INTS10: variants seen among roughly 807,000 people sequenced by gnomAD.
INTS10 encodes integrator complex subunit 10, also known as chromosome 8 open reading frame 35.
INTS10 carries 44 observed loss-of-function variants against 94.4 expected under a neutral mutation model. The observed-to-expected ratio is 0.47, with a 90% CI of 0.37 to 0.60. The LOEUF is 0.60. INTS10 is among the 20% of genes least tolerant of loss of function. The pLI is 0.00. For synonymous variants in INTS10, 341 were observed against 320.7 expected (o/e 1.06, Z -0.68); for missense variants, 797 against 868.7 (o/e 0.92, Z 1.04).
chr8:19,823,972 C>A lies in INTS10; in HGVS notation c.764C>A (p.Pro255His). ...LTEKSSQIVDPWERLFKILNV... is the reference protein window; with the variant it reads ...LTEKSSQIVDHWERLFKILNV... ...GAAAAATCATCCCAGATCGTGGACC[C>A]TTGGGAGAGGTTGTTTAAGATTTTG... Residue 255 changes from proline to histidine, a missense_variant, in exon 7 of 17, where the codon CCT becomes CAT. Physicochemically the swap from Pro to His is moderately conservative, Grantham distance 77. This residue lies in a region of INTS10 where 734 missense variants were observed against 787.8 expected (regional missense o/e 0.93). Coordinates refer to ENST00000397977, the MANE Select transcript of INTS10 (RefSeq NM_018142.4). 1 of 1,613,432 alleles carries A rather than the reference C, an allele frequency of 6.2e-7. No individual in the cohort carries two copies. The highest frequency in any genetic ancestry group is 8.5e-7 in the Non-Finnish European group (1 of 1,179,634).
At chr8:19,833,142 C>G (rs752964678) in intron 11 of INTS10, 27 bp from the exon 12 acceptor site, 1 of 1,497,686 alleles carries the variant, frequency 6.7e-7, no homozygotes, top group South Asian at 1.3e-5. Context: ...GATGCTTTTC[C>G]CCTCCTTGCT....
At chr8:19,848,486 A>G (rs894262942) in intron 16 of INTS10, among the ~76,000 whole-genome samples, 7 of 152,196 alleles carry the variant, frequency 4.6e-5, no homozygotes, top group Non-Finnish European at 8.8e-5. Context: ...AAAATGGAAA[A>G]CAATGTCCTA....
chr8:19,841,946 A>G (rs951695221), intron 13 of INTS10: 15 of 419,894 alleles, frequency 3.6e-5, no homozygotes, highest in Admixed American at 1.1e-4. Context: ...TTTTGGATCT[A>G]TCACATTATG....
chr8:19,831,919 T>C (rs1347989230), intron 10 of INTS10, 109 bp from the exon 11 acceptor site: 1 of 706,164 alleles, frequency 1.4e-6, no homozygotes, highest in Non-Finnish European at 2.6e-6. Flanking sequence ...TCAAAGTTAC[T>C]ATACATTTTT....
rs1446184544 is a variant in INTS10 at position 19,845,419 on chromosome 8, G to A, written c.1883-285G>A. 4 of 338,270 alleles carry A rather than the reference G, an allele frequency of 1.2e-5. No homozygotes were observed. The East Asian group carries it at 1.8e-4, about 15-fold the overall frequency. The allele number at this position is 338,270 out of a possible 1,614,324, so 21.0% of individuals were successfully genotyped here. A position where few individuals can be genotyped will look rare whatever the true frequency, so the allele number is the denominator to read the frequency against. On this transcript the variant is annotated intron_variant, in intron 15 of 16. Transcript: ENST00000397977. ...ATGTTGTCCTCATGCTCTTTAGCCT[G>A]GCACATCTCATGCCAAGAGTTATCT...
intron 9 of INTS10, among the ~76,000 whole-genome samples, chr8:19,827,992 C>G (rs946647700): frequency 6.6e-6 from 1 of 151,990 alleles, no homozygotes; most frequent in African/African-American, 2.4e-5. Context: ...AGGAGGATCA[C>G]CAGCCCAGGA....
chr8:19,817,769 T>C, intron 1 of INTS10, 103 bp downstream of exon 1: 1 of 1,423,140 alleles, frequency 7.0e-7, no homozygotes, highest in Non-Finnish European at 9.4e-7. Flanking sequence ...GGCTGCCGCC[T>C]CCTGCCCGGC....
Position 19,851,689 on chromosome 8 carries a change from G to T in INTS10, c.2017G>T (p.Glu673Ter). 1 of 1,614,190 alleles carries T rather than the reference G, an allele frequency of 6.2e-7. No individual in the cohort carries two copies. Residue 673 changes from glutamate (E) to a stop codon, truncating the protein, a stop_gained, in exon 17 of 17, where the codon GAG becomes TAG. Coordinates refer to ENST00000397977, the MANE Select transcript of INTS10 (RefSeq NM_018142.4). LOFTEE classifies it high-confidence loss of function. This position sits in a 1 kb window ranked among gnomAD's most constrained non-coding sequence, Gnocchi z 5.0. ...VTRGITKGVK[E>*]DFRLAMERQV... ...TCGAGGCATCACCAAAGGCGTGAAG[G>T]AGGACTTTCGCCTGGCCATGGAGCG...
rs971781616 is a variant in INTS10, at chr8:19,851,431, C to T, written c.1977-218C>T. ...TGAACAATTAAATGTTTGAAGTAAC[C>T]TTTTATAGAGTGAGAAAGATGTCTG... On this transcript the variant is annotated intron_variant, in intron 16 of 16. Coordinates refer to ENST00000397977, the MANE Select transcript of INTS10 (RefSeq NM_018142.4). This position sits in a 1 kb window ranked among gnomAD's most constrained non-coding sequence, Gnocchi z 5.0. Among the ~76,000 whole-genome samples the T allele has an allele frequency of 1.3e-5, 2 of 152,164 alleles. No homozygotes were observed. The highest frequency in any genetic ancestry group is 4.8e-5 in the African/African-American group (2 of 41,418).
intron 12 of INTS10, among the ~76,000 whole-genome samples, chr8:19,835,736 C>G (rs1012359567): frequency 6.6e-6 from 1 of 152,156 alleles, no homozygotes; most frequent in Non-Finnish European, 1.5e-5. Context: ...GCTTCACAAC[C>G]CTGTGGGCAT....
intron 8 of INTS10, among the ~76,000 whole-genome samples, chr8:19,825,441 G>T (rs1053905090): frequency 6.6e-6 from 1 of 151,454 alleles, no homozygotes; most frequent in African/African-American, 2.4e-5. Context: ...CAGGAGAATC[G>T]CCTGAACCCG....
chr8:19,832,106 A>T lies in INTS10; in HGVS notation c.1373A>T (p.Tyr458Phe). Residue 458 changes from tyrosine to phenylalanine, a missense_variant, in exon 11 of 17, where the codon TAT becomes TTT. Tyr to Phe is a conservative substitution (Grantham distance 22). This residue lies in a region of INTS10 where 734 missense variants were observed against 787.8 expected (regional missense o/e 0.93). Coordinates refer to ENST00000397977, the MANE Select transcript of INTS10 (RefSeq NM_018142.4). The part of the protein sequence containing the change: ...LRIFLTDMII[Y>F]QGQYKKAIAS... ...ATCTTCCTCACTGATATGATCATCT[A>T]TCAGGTAGAGTATTATACATATTTT... is the stretch of plus-strand genomic sequence containing the variant. The T allele has an allele frequency of 1.3e-6, 2 of 1,550,640 alleles. No individual in the cohort carries two copies. Among genetic ancestry groups the T allele is most frequent in the Non-Finnish European group, 1.8e-6 (2 of 1,122,040 alleles).
intron 7 of INTS10, chr8:19,824,513 A>C: frequency 3.6e-6 from 1 of 276,924 alleles, no homozygotes; most frequent in Non-Finnish European, 6.6e-6. Flanking sequence ...AAAAAAAAGA[A>C]AAACAGATTT....
chr8:19,842,512 T>C (rs2068209803), intron 13 of INTS10, among the ~76,000 whole-genome samples: 1 of 152,212 alleles, frequency 6.6e-6, no homozygotes, highest in Admixed American at 6.5e-5. Flanking sequence ...ATTAGAAATG[T>C]TTAAAATTAA....
At chr8:19,827,825 G>T (rs1224962026) in intron 9 of INTS10, among the ~76,000 whole-genome samples, 1 of 152,162 alleles carries the variant, frequency 6.6e-6, no homozygotes, top group East Asian at 1.9e-4. Flanking sequence ...CCAACCTGAT[G>T]CAGGTCCAGA....
intron 12 of INTS10, among the ~76,000 whole-genome samples, chr8:19,834,094 A>G (rs565723884): frequency 2.2e-4 from 33 of 151,972 alleles, no homozygotes; most frequent in Non-Finnish European, 3.8e-4. Flanking sequence ...AGCCCTTCCT[A>G]CTACAGGGTG....
Position 19,819,577 on chromosome 8 carries a change from G to T in INTS10, c.202G>T (p.Val68Leu). Residue 68 changes from valine to leucine, a missense_variant, in exon 3 of 17, where the codon GTG becomes TTG. Val to Leu is a conservative substitution (Grantham distance 32). This residue lies in a region of INTS10 where 734 missense variants were observed against 787.8 expected (regional missense o/e 0.93). Coordinates refer to ENST00000397977, the MANE Select transcript of INTS10 (RefSeq NM_018142.4). ...TAGRLLYDMFVNFPDQPVVWR... is the reference protein window; with the variant it reads ...TAGRLLYDMFLNFPDQPVVWR... ...ATGTATTTATTTTAAAAATAGGTTT[G>T]TGAATTTCCCAGACCAGCCGGTGGT... 1.9e-6 allele frequency: 3 copies of T among 1,608,796 alleles called. No homozygotes were observed. The highest frequency in any genetic ancestry group is 2.6e-6 in the Non-Finnish European group (3 of 1,176,260).
intron 16 of INTS10, among the ~76,000 whole-genome samples, chr8:19,847,858 A>G (rs553054658): frequency 6.6e-6 from 1 of 152,308 alleles, no homozygotes; most frequent in South Asian, 2.1e-4. Flanking sequence ...GATACCCATC[A>G]TGCACTTCTA....
chr8:19,819,727 T>C (rs375526113), intron 3 of INTS10, 51 bp downstream of exon 3: 1 of 1,372,968 alleles, frequency 7.3e-7, no homozygotes. Flanking sequence ...AAATCATATA[T>C]AGTAATTTCA....
Sources: gnomAD v4.1 joint callset for allele counts (sites outside exome capture counted in the v4.1 genomes callset) on GRCh38, gnomAD v4.1.1 for gene constraint, gnomAD v4.1.1 regional missense constraint, Gnocchi (gnomAD v3.1) non-coding constraint, MANE v1.5 for transcripts, NCBI Gene and HGNC (gene_info 2026-07-23, HGNC 2026-07-21) for gene names.